The following VPS41 variants were observed in gnomAD, a reference collection of about 807,000 sequenced individuals.
VPS41 encodes VPS41 subunit of HOPS complex.
Under a neutral mutation model 130.9 loss-of-function variants are expected in VPS41, and 85 were observed. The observed-to-expected ratio is 0.65, with a 90% CI of 0.55 to 0.78. VPS41 has a LOEUF of 0.78. Among genes scored for constraint, VPS41 ranks in the 30% least tolerant of loss-of-function variants. The pLI is 0.00. For synonymous variants in VPS41, 335 were observed against 332.9 expected (o/e 1.01, Z -0.07); for missense variants, 874 against 1,018.7 (o/e 0.86, Z 1.93).
chr7:38,875,014 TAAGAG>T (rs1786456843), intron 2 of VPS41, among the ~76,000 whole-genome samples: 2 of 152,148 alleles, frequency 1.3e-5, no homozygotes, highest in Non-Finnish European at 2.9e-5. Context: ...CTATTACTAT[TAAGAG>T]GAGAGAATAG....
At chr7:38,741,841 A>T in intron 25 of VPS41, 144 bp downstream of exon 25, 1 of 891,178 alleles carries the variant, frequency 1.1e-6, no homozygotes, top group Non-Finnish European at 1.7e-6. Flanking sequence ...CTATTTGAAC[A>T]GTTTTCTAAA....
At chr7:38,791,163 T>C (rs1784528351) in intron 9 of VPS41, among the ~76,000 whole-genome samples, 1 of 152,196 alleles carries the variant, frequency 6.6e-6, no homozygotes, top group Non-Finnish European at 1.5e-5. Flanking sequence ...GTCCGTTTCA[T>C]ATAACTGCCT....
intron 5 of VPS41, among the ~76,000 whole-genome samples, chr7:38,829,987 G>A (rs1056550997): frequency 2.0e-5 from 3 of 152,242 alleles, no homozygotes; most frequent in Non-Finnish European, 4.4e-5. Context: ...TGGCACGGTA[G>A]TAATGATTAA....
At chr7:38,892,482 A>C (rs1163229804) in intron 2 of VPS41, among the ~76,000 whole-genome samples, 2 of 152,214 alleles carry the variant, frequency 1.3e-5, no homozygotes, top group Admixed American at 6.5e-5. Context: ...GATCATCATT[A>C]TCAGGGTAGA....
chr7:38,738,317 C>T (rs1201815764), intron 25 of VPS41, among the ~76,000 whole-genome samples: 2 of 152,192 alleles, frequency 1.3e-5, no homozygotes, highest in African/African-American at 2.4e-5. Context: ...GATCTGTGAT[C>T]TGTGTTCAAA....
intron 4 of VPS41, among the ~76,000 whole-genome samples, chr7:38,832,383 A>T (rs2108508): frequency 6.8e-6 from 1 of 146,498 alleles, no homozygotes; most frequent in African/African-American, 2.5e-5. Context: ...GCAGCGGCAC[A>T]ATCTCAGCTC....
chr7:38,885,336 A>T (rs6973415), intron 2 of VPS41, among the ~76,000 whole-genome samples: 95,602 of 151,884 alleles, frequency 0.63, 31,451 homozygotes, highest in East Asian at 0.89. Context: ...AGGATTTTTT[A>T]AAAAATACTT....
chr7:38,871,122 T>A (rs115850258), intron 2 of VPS41, among the ~76,000 whole-genome samples: 2,854 of 152,248 alleles, frequency 0.019, 95 homozygotes, highest in African/African-American at 0.065. Context: ...AACAACAGAA[T>A]TTTCCAAAAC....
chr7:38,858,202 C>G (rs553959675), intron 4 of VPS41, among the ~76,000 whole-genome samples: 1 of 152,314 alleles, frequency 6.6e-6, no homozygotes, highest in African/African-American at 2.4e-5. Flanking sequence ...CCAAAAGAGA[C>G]AGCTTTGCAC....
At chr7:38,792,961 C>A (rs563270699) in intron 9 of VPS41, among the ~76,000 whole-genome samples, 2 of 152,282 alleles carry the variant, frequency 1.3e-5, no homozygotes, top group South Asian at 4.2e-4. Context: ...TCTGCTAACA[C>A]CTCCTACCCC....
chr7:38,907,075 A>G (rs536456214), intron 1 of VPS41, among the ~76,000 whole-genome samples: 2,243 of 135,068 alleles, frequency 0.017, 55 homozygotes, highest in African/African-American at 0.053. Flanking sequence ...AGAAATATAC[A>G]GGGAAAAAAA....
chr7:38,825,950 A>G (rs77877332), intron 5 of VPS41, among the ~76,000 whole-genome samples: 3,253 of 152,296 alleles, frequency 0.021, 46 homozygotes, highest in African/African-American at 0.043. Context: ...TCCCAGTTAG[A>G]CTTCCCTTGT....
At chr7:38,746,873 A>T (rs2115670016) in intron 22 of VPS41, among the ~76,000 whole-genome samples, 1 of 152,208 alleles carries the variant, frequency 6.6e-6, no homozygotes, top group South Asian at 2.1e-4. Context: ...ATTGGATGGC[A>T]CTACCTTACG....
intron 4 of VPS41, among the ~76,000 whole-genome samples, chr7:38,841,388 T>G (rs1038073529): frequency 2.6e-5 from 4 of 152,210 alleles, no homozygotes; most frequent in African/African-American, 9.7e-5. Context: ...GCTGCCTATT[T>G]CCTTTCATTC....
chr7:38,776,651 C>A, intron 11 of VPS41, 28 bp downstream of exon 11: 1 of 1,323,106 alleles, frequency 7.6e-7, no homozygotes, highest in Non-Finnish European at 1.1e-6. Flanking sequence ...CCCCCACATG[C>A]CTTTGTATCT....
intron 8 of VPS41, 78 bp downstream of exon 8, chr7:38,796,667 C>A: frequency 6.2e-7 from 1 of 1,603,332 alleles, no homozygotes; most frequent in South Asian, 1.1e-5. Context: ...GCATCTTTTC[C>A]CTTCATTACA....
chr7:38,801,680 C>T (rs1784729132), intron 7 of VPS41, among the ~76,000 whole-genome samples: 1 of 152,170 alleles, frequency 6.6e-6, no homozygotes, highest in Non-Finnish European at 1.5e-5. Flanking sequence ...AAATCTTGTT[C>T]ACTGAGATTG....
rs183706336 is a variant in VPS41 at position 38,741,703 on chromosome 7, T to C, written c.2259+282A>G. Among the ~76,000 whole-genome samples the C allele has an allele frequency of 2.9e-3, 440 of 152,344 alleles. 2 individuals are homozygous for C. The highest frequency in any genetic ancestry group is 0.01 in the Middle Eastern group (3 of 294). On this transcript the variant is annotated intron_variant, in intron 25 of 28. Transcript: ENST00000310301. ...CCTCGATTCCATGTTATATTAACCA[T>C]ACAAATGTAAGAATGTCTGCTCAAA...
At chr7:38,755,885 T>G (rs3801143) in intron 19 of VPS41, among the ~76,000 whole-genome samples, 99,857 of 151,926 alleles carry the variant, frequency 0.66, 33,812 homozygotes, top group Admixed American at 0.79. Flanking sequence ...AAGCAGAGCC[T>G]CTCTACCTGA....
Sources: gnomAD v4.1 joint callset for allele counts (sites outside exome capture counted in the v4.1 genomes callset) on GRCh38, gnomAD v4.1.1 for gene constraint, MANE v1.5 for transcripts, NCBI Gene and HGNC (gene_info 2026-07-23, HGNC 2026-07-21) for gene names.